The following RGS18 variants were observed in gnomAD, a reference collection of about 807,000 sequenced individuals.
RGS18 encodes the protein regulator of G protein signaling 18, also known as regulator of G-protein signaling 18.
A neutral mutation model predicts 27.6 loss-of-function variants in RGS18; 22 were observed. That is an observed-to-expected ratio of 0.80 (90% CI 0.57 to 1.14). The LOEUF is 1.14. Ranked by LOEUF, RGS18 falls within the 50% of genes most tolerant of loss-of-function variation. RGS18 has a pLI of 0.00. For missense variants in RGS18, 299 were observed against 269.6 expected (o/e 1.11, Z -0.76); for synonymous variants, 89 against 84.6 (o/e 1.05, Z -0.29).
intron 3 of RGS18, among the ~76,000 whole-genome samples, chr1:192,175,932 A>C (rs1392998104): frequency 6.6e-6 from 1 of 151,640 alleles, no homozygotes; most frequent in Non-Finnish European, 1.5e-5. Context: ...CCTAGTATTC[A>C]TAATGAGCTT....
At chr1:192,176,144 T>A (rs1656354496) in intron 3 of RGS18, among the ~76,000 whole-genome samples, 1 of 151,868 alleles carries the variant, frequency 6.6e-6, no homozygotes. Context: ...TTCTGGTCAA[T>A]TTCTCTTATC....
chr1:192,159,292 T>A lies in RGS18; in HGVS notation c.192T>A (p.Ser64Arg). ...KPEFHEDTRS[S>R]RSGHLAKETR... is the part of the protein sequence containing the mutation. ...AGTTTCATGAAGACACCCGCTCCAG[T>A]AGATCTGGGCACTTGGCCAAAGAAA... is the stretch of plus-strand genomic sequence containing the variant. Residue 64 changes from serine to arginine, a missense_variant, in exon 2 of 5, where the codon AGT becomes AGA. Physicochemically the swap from Ser to Arg is moderately radical, Grantham distance 110. Coordinates refer to ENST00000367460, the MANE Select transcript of RGS18 (RefSeq NM_130782.3). The A allele has an allele frequency of 6.2e-7, 1 of 1,613,198 alleles. No individual in the cohort carries two copies. Among genetic ancestry groups the A allele is most frequent in the Non-Finnish European group, 8.5e-7 (1 of 1,179,188 alleles).
chr1:192,177,807 A>C (rs1656382778), intron 3 of RGS18, among the ~76,000 whole-genome samples: 1 of 151,822 alleles, frequency 6.6e-6, no homozygotes, highest in South Asian at 2.1e-4. Flanking sequence ...GAATGGAACT[A>C]TACGTGTTTC....
chr1:192,176,436 C>A (rs766202808), intron 3 of RGS18, among the ~76,000 whole-genome samples: 2 of 151,698 alleles, frequency 1.3e-5, no homozygotes, highest in Non-Finnish European at 2.9e-5. Context: ...GCAAACCTAG[C>A]ACTCACTTCA....
chr1:192,170,352 G>A (rs560077517), intron 3 of RGS18, among the ~76,000 whole-genome samples: 1 of 152,190 alleles, frequency 6.6e-6, no homozygotes, highest in Middle Eastern at 3.4e-3. Context: ...TAATAAGCGA[G>A]TTATCATTCT....
Position 192,160,429 on chromosome 1 carries a change from T to C in RGS18, c.273T>C (p.Leu91=). ...VKWGESFDKL[L]SHRDGLEAFT... ...GGGGTGAATCATTTGACAAACTGCT[T>C]TCCCATAGAGGTTAGTGGTACTTTC... is the stretch of plus-strand genomic sequence containing the variant. The change falls in exon 3 of 5, where the codon CTT becomes CTC. Residue 91 remains leucine (L), a synonymous_variant. Transcript: ENST00000367460. 1.2e-6 allele frequency: 2 copies of C among 1,610,256 alleles called. No homozygotes were observed. The highest frequency in any genetic ancestry group is 1.7e-6 in the Non-Finnish European group (2 of 1,176,696).
At chr1:192,172,941 C>T (rs1326863144) in intron 3 of RGS18, among the ~76,000 whole-genome samples, 1 of 148,396 alleles carries the variant, frequency 6.7e-6, no homozygotes, top group Admixed American at 6.8e-5. Context: ...ATCTGAATCT[C>T]AGTTTTCTCA....
At chr1:192,177,392 GTATTTT>G (rs1184958068) in intron 3 of RGS18, among the ~76,000 whole-genome samples, 1 of 150,014 alleles carries the variant, frequency 6.7e-6, no homozygotes, top group African/African-American at 2.4e-5. Flanking sequence ...ATATAATTCT[GTATTTT>G]TATAATTAAT....
chr1:192,160,319 C>G, intron 2 of RGS18, 59 bp from the exon 3 acceptor site: 1 of 1,076,174 alleles, frequency 9.3e-7, no homozygotes, highest in Non-Finnish European at 1.4e-6. Context: ...TATGTTAGAA[C>G]AGATTCATAA....
intron 3 of RGS18, among the ~76,000 whole-genome samples, chr1:192,163,059 A>G (rs1490396658): frequency 6.6e-6 from 1 of 152,164 alleles, no homozygotes; most frequent in Admixed American, 6.5e-5. Context: ...ATGGTTGTAT[A>G]ATCTTAGTTA....
chr1:192,174,450 T>G (rs1271907604), intron 3 of RGS18, among the ~76,000 whole-genome samples: 1 of 151,828 alleles, frequency 6.6e-6, no homozygotes, highest in Non-Finnish European at 1.5e-5. Context: ...GAATTAATGA[T>G]GTTTAAGTTT....
intron 3 of RGS18, among the ~76,000 whole-genome samples, chr1:192,164,310 A>AACC (rs1656125048): frequency 6.6e-6 from 1 of 152,138 alleles, no homozygotes; most frequent in Admixed American, 6.5e-5. Context: ...GGGAATTAAA[A>AACC]CCAAAACAAT....
At chr1:192,170,844 G>A (rs1656242794) in intron 3 of RGS18, among the ~76,000 whole-genome samples, 1 of 152,090 alleles carries the variant, frequency 6.6e-6, no homozygotes, top group Admixed American at 6.6e-5. Context: ...GTCTTGAGAG[G>A]ATATTGCAAT....
At chr1:192,184,229 G>C in intron 4 of RGS18, 68 bp from the exon 5 acceptor site, 1 of 1,425,758 alleles carries the variant, frequency 7.0e-7, no homozygotes, top group Non-Finnish European at 9.7e-7. Context: ...CATCAGTCCT[G>C]TGCTGTTTCT....
Position 192,161,560 on chromosome 1 carries a change from C to G in RGS18, c.283+1121C>G, listed in dbSNP as rs1329021716. Reference sequence around the variant, plus strand: ...AAAAAAAGCAATGCTTTATCATTACCAAACATCCACCTCAAGCCCACAGCT... The same window carrying G: ...AAAAAAAGCAATGCTTTATCATTACGAAACATCCACCTCAAGCCCACAGCT... On this transcript the variant is annotated intron_variant, in intron 3 of 4. Coordinates refer to ENST00000367460, the MANE Select transcript of RGS18 (RefSeq NM_130782.3). 2.0e-5 allele frequency: 3 copies of G among 151,952 alleles called. No individual in the cohort carries two copies. In the East Asian group the frequency reaches 5.8e-4, roughly 29 times the overall value. The allele number at this position is 151,952 out of a possible 1,614,324, so 9.4% of individuals were successfully genotyped here.
At chr1:192,173,420 G>A (rs911467830) in intron 3 of RGS18, among the ~76,000 whole-genome samples, 9 of 151,534 alleles carry the variant, frequency 5.9e-5, no homozygotes, top group Non-Finnish European at 8.8e-5. Flanking sequence ...TTTTTATGGG[G>A]CAGAGTGTCA....
Position 192,185,343 on chromosome 1 carries a change from T to A in RGS18, c.*789T>A, listed in dbSNP as rs1656530312. ...CTACCTTATCACCGGCTAAGAAAACTTGCTACTAAACTATTAGGCCATCAA... is the reference window on the plus strand; with the variant it reads ...CTACCTTATCACCGGCTAAGAAAACATGCTACTAAACTATTAGGCCATCAA... On this transcript the variant is annotated 3_prime_UTR_variant, in exon 5 of 5. Coordinates refer to ENST00000367460, the MANE Select transcript of RGS18 (RefSeq NM_130782.3). The A allele has an allele frequency of 6.6e-6, 1 of 151,574 alleles. No homozygotes were observed. The highest frequency in any genetic ancestry group is 2.4e-5 in the African/African-American group (1 of 41,356). The allele number at this position is 151,574 out of a possible 1,614,324, so 9.4% of individuals were successfully genotyped here.
intron 3 of RGS18, among the ~76,000 whole-genome samples, chr1:192,176,039 T>C (rs1656352599): frequency 6.6e-6 from 1 of 151,810 alleles, no homozygotes; most frequent in Admixed American, 6.6e-5. Flanking sequence ...AAGCAGCCTG[T>C]CCTGGTTTTT....
chr1:192,167,523 G>T (rs573035521), intron 3 of RGS18, among the ~76,000 whole-genome samples: 1 of 151,778 alleles, frequency 6.6e-6, no homozygotes, highest in African/African-American at 2.4e-5. Context: ...GGGTTCAAGC[G>T]ATTCTCCTGC....
Sources: gnomAD v4.1 joint callset for allele counts (sites outside exome capture counted in the v4.1 genomes callset) on GRCh38, gnomAD v4.1.1 for gene constraint, MANE v1.5 for transcripts, NCBI Gene and HGNC (gene_info 2026-07-23, HGNC 2026-07-21) for gene names.